Variants in DYNC2H1 observed in about 807,000 individuals in gnomAD.
DYNC2H1 encodes the protein dynein cytoplasmic 2 heavy chain 1, also known as cytoplasmic dynein 2 heavy chain 1.
In DYNC2H1, 410 loss-of-function variants were observed where a neutral mutation model predicts 570.0. The ratio of observed to expected loss-of-function variants is 0.72; its 90% CI spans 0.66 to 0.78. The LOEUF (loss-of-function observed/expected upper bound fraction) is 0.78. DYNC2H1 is among the 30% of genes least tolerant of loss of function. The probability of loss-of-function intolerance (pLI) is 0.00; values close to 1 mark genes in which losing one functional copy is unlikely to be tolerated. For synonymous variants in DYNC2H1, 1,688 were observed against 1,677.6 expected, an observed-to-expected ratio of 1.01 and a Z score of -0.15; for missense variants, 4,865 against 5,046.4, an observed-to-expected ratio of 0.96 and a Z score of 1.09.
At chr11:103,248,308 T>TA (rs1006059715) in intron 65 of DYNC2H1, among the ~76,000 whole-genome samples, 21 of 152,118 alleles carry the variant, frequency 1.4e-4, no homozygotes, top group African/African-American at 5.1e-4. Context: ...TTTATCTACA[T>TA]AATGGAATGG....
intron 70 of DYNC2H1, among the ~76,000 whole-genome samples, chr11:103,273,176 C>CTTTCT (rs959554607): frequency 2.1e-5 from 3 of 143,396 alleles, no homozygotes; most frequent in Admixed American, 7.1e-5. Context: ...CTTCTCTTCT[C>CTTTCT]TTTCTTTTCT....
chr11:103,384,604 T>C (rs185865017), intron 83 of DYNC2H1, among the ~76,000 whole-genome samples: 35 of 152,346 alleles, frequency 2.3e-4, no homozygotes, highest in African/African-American at 7.7e-4. Flanking sequence ...GTTGGTATTC[T>C]GTATGTTTTT....
At chr11:103,321,717 C>A (rs796636229) in intron 81 of DYNC2H1, among the ~76,000 whole-genome samples, 1 of 152,034 alleles carries the variant, frequency 6.6e-6, no homozygotes, top group African/African-American at 2.4e-5. Flanking sequence ...GTATTTTTTT[C>A]AGCCAGCTGT....
chr11:103,392,993 C>G (rs1205246800), intron 83 of DYNC2H1, among the ~76,000 whole-genome samples: 1 of 152,028 alleles, frequency 6.6e-6, no homozygotes, highest in Non-Finnish European at 1.5e-5. Context: ...AAGCGATTCT[C>G]CTGCCTCAGC....
intron 70 of DYNC2H1, among the ~76,000 whole-genome samples, chr11:103,262,980 A>G (rs1310736922): frequency 6.7e-6 from 1 of 149,576 alleles, no homozygotes; most frequent in Non-Finnish European, 1.5e-5. Flanking sequence ...ACATAGGCCC[A>G]AAATAAAGGG....
rs1451540733 is a variant in DYNC2H1, at chr11:103,439,119, G to A, written c.12456+3087G>A. Among the ~76,000 whole-genome samples, 1 of 152,092 alleles carries A rather than the reference G, an allele frequency of 6.6e-6. No individual in the cohort carries two copies. The highest frequency in any genetic ancestry group is 1.5e-5 in the Non-Finnish European group (1 of 68,016). On this transcript the variant is annotated intron_variant, in intron 85 of 88. Transcript: ENST00000375735. The surrounding 1 kb of genome is among the most constrained non-coding windows in gnomAD (Gnocchi z 4.1). ...ATCCTTACAACTTATCAGAAAGATA[G>A]AACTGAATAAACAACAGTAAGAGAA...
At chr11:103,165,177 G>C (rs541888677) in intron 30 of DYNC2H1, among the ~76,000 whole-genome samples, 5 of 152,292 alleles carry the variant, frequency 3.3e-5, no homozygotes, top group African/African-American at 1.2e-4. Flanking sequence ...CTCTCATGTG[G>C]AGTGCAGTGG....
At chr11:103,362,320 C>CTTTT (rs879453459) in intron 83 of DYNC2H1, among the ~76,000 whole-genome samples, 13 of 71,590 alleles carry the variant, frequency 1.8e-4, no homozygotes, top group East Asian at 5.1e-4. Context: ...TAATTTTTTT[C>CTTTT]TTTTTTTTTT....
rs186164935 is a variant in DYNC2H1 at position 103,257,920 on chromosome 11, T to C, written c.10605+169T>C. On this transcript the variant is annotated intron_variant, in intron 69 of 88. Coordinates refer to ENST00000375735, the MANE Select transcript of DYNC2H1 (RefSeq NM_001377.3). ...ATAAAGAAACTACTTAATTTCTTTT[T>C]ATATTGTTAACAAGGTGTCCCAATG... Among the ~76,000 whole-genome samples, 35 of 152,346 alleles carry C rather than the reference T, an allele frequency of 2.3e-4. No individual in the cohort carries two copies. In the East Asian group the frequency reaches 3.5e-3, roughly 15 times the overall value.
chr11:103,344,550 T>C (rs1939639990), intron 82 of DYNC2H1, among the ~76,000 whole-genome samples: 1 of 152,190 alleles, frequency 6.6e-6, no homozygotes, highest in Admixed American at 6.5e-5. Context: ...GGAACATTCA[T>C]ACCCTAGGTA....
At chr11:103,225,936 G>A (rs933949352) in intron 59 of DYNC2H1, among the ~76,000 whole-genome samples, 1 of 144,032 alleles carries the variant, frequency 6.9e-6, no homozygotes, top group East Asian at 2.0e-4. Context: ...CATATCCTTG[G>A]TTAGGTGTAT....
At chr11:103,408,294 A>G (rs1411867593) in intron 84 of DYNC2H1, 1 of 152,040 alleles carries the variant, frequency 6.6e-6, no homozygotes, top group Non-Finnish European at 1.5e-5. Context: ...TATATAGCCT[A>G]AGATTTTTTG....
At chr11:103,192,553 A>G (rs1427151645) in intron 47 of DYNC2H1, among the ~76,000 whole-genome samples, 1 of 152,134 alleles carries the variant, frequency 6.6e-6, no homozygotes, top group Non-Finnish European at 1.5e-5. Flanking sequence ...AAACAGTTAC[A>G]TGTATATAAA....
chr11:103,418,711 G>A (rs1943372686), intron 84 of DYNC2H1, among the ~76,000 whole-genome samples: 1 of 152,192 alleles, frequency 6.6e-6, no homozygotes, highest in Admixed American at 6.5e-5. Context: ...GTGGGGTAAT[G>A]GCCCACCTGG....
intron 83 of DYNC2H1, among the ~76,000 whole-genome samples, chr11:103,388,898 G>A (rs981141699): frequency 2.0e-5 from 3 of 152,068 alleles, no homozygotes; most frequent in East Asian, 1.9e-4. Flanking sequence ...TGCTGGATTT[G>A]GTTTGCCAGT....
rs139755819 is a variant in DYNC2H1 at position 103,282,479 on chromosome 11, T to C, written c.10812+250T>C. 0.01 allele frequency among the ~76,000 whole-genome samples: 1,588 copies of C among 152,142 alleles called. 27 individuals carry two copies. Among genetic ancestry groups the C allele is most frequent in the African/African-American group, 0.036 (1,516 of 41,570 alleles). On this transcript the variant is annotated intron_variant, in intron 72 of 88. Transcript: ENST00000375735. ...AATGCAGTTTCTTTTTCTCAGTATATGTATTTTATTCCAAGGATATTTTAT... is the reference window on the plus strand; with the variant it reads ...AATGCAGTTTCTTTTTCTCAGTATACGTATTTTATTCCAAGGATATTTTAT...
At chr11:103,240,630 T>C (rs914783178) in intron 63 of DYNC2H1, among the ~76,000 whole-genome samples, 1 of 152,158 alleles carries the variant, frequency 6.6e-6, no homozygotes, top group African/African-American at 2.4e-5. Flanking sequence ...CATGAATTCA[T>C]CCTGTTTTAA....
intron 75 of DYNC2H1, among the ~76,000 whole-genome samples, chr11:103,290,860 T>C (rs1055954914): frequency 3.9e-5 from 6 of 152,212 alleles, no homozygotes; most frequent in Non-Finnish European, 7.3e-5. Context: ...AAGCTTATGA[T>C]GAAAGGAGAA....
rs1449166648 is a variant in DYNC2H1, at chr11:103,478,981, T to C, written c.12766-114T>C. 4 of 1,227,854 alleles carry C rather than the reference T, an allele frequency of 3.3e-6. No homozygotes were observed. In the African/African-American group the frequency reaches 6.0e-5, roughly 19 times the overall value. The allele number at this position is 1,227,854 out of a possible 1,614,324, so 76.1% of individuals were successfully genotyped here. On this transcript the variant is annotated intron_variant, in intron 88 of 88. Transcript: ENST00000375735. The stretch of plus-strand genomic sequence containing the variant: ...AGGGGGATGATAGGGGTTCATCATA[T>C]TAATTTGAAACATTTCATAATATAA...
Sources: allele counts gnomAD v4.1 joint callset (sites outside exome capture counted in the v4.1 genomes callset), GRCh38; gene constraint gnomAD v4.1.1; non-coding constraint Gnocchi (gnomAD v3.1); transcripts MANE v1.5; gene names NCBI Gene and HGNC (gene_info 2026-07-23, HGNC 2026-07-21).